The following CHST15 variants were observed in gnomAD, a reference collection of about 807,000 sequenced individuals.
CHST15 encodes B cell RAG associated protein (GALNAC4S-6ST).
A neutral mutation model predicts 53.6 loss-of-function variants in CHST15; 30 were observed. The observed-to-expected ratio is 0.56, with a 90% CI of 0.42 to 0.76. The LOEUF (loss-of-function observed/expected upper bound fraction) is 0.76. Ranked by LOEUF, CHST15 falls within the 30% of genes least tolerant of loss-of-function variation. The pLI is 0.00. For synonymous variants in CHST15, 296 were observed against 289.8 expected, an observed-to-expected ratio of 1.02 and a Z score of -0.22; for missense variants, 627 against 740.5, an observed-to-expected ratio of 0.85 and a Z score of 1.78.
At position 124,074,418 on chromosome 10, in the gene CHST15, G is replaced by A. The variant is rs145187077; in HGVS notation, c.-513+19051C>T. 3.3e-5 allele frequency among the ~76,000 whole-genome samples: 5 copies of A among 152,132 alleles called. No homozygotes were observed. Among genetic ancestry groups the A allele is most frequent in the Admixed American group, 6.5e-5 (1 of 15,296 alleles). On this transcript the variant is annotated intron_variant, in intron 1 of 7. Transcript: ENST00000435907. The surrounding 1 kb of genome is among the most constrained non-coding windows in gnomAD (Gnocchi z 4.4). ...CACAATTCAGGTGGCAGGTAGGGGC[G>A]GGGGCCTAGTTGGGAGCATCGCCCA... is the stretch of plus-strand genomic sequence containing the variant.
At chr10:124,062,476 C>A (rs983450905) in intron 1 of CHST15, among the ~76,000 whole-genome samples, 1 of 152,182 alleles carries the variant, frequency 6.6e-6, no homozygotes, top group African/African-American at 2.4e-5. Flanking sequence ...ACTTCGGTGC[C>A]TCCCTTCGCT....
chr10:124,038,489 A>T (rs770308151), intron 5 of CHST15, 26 bp downstream of exon 5: 1 of 1,609,272 alleles, frequency 6.2e-7, no homozygotes. Context: ...TTCTCACCCC[A>T]AATACAACAC....
chr10:124,073,222 G>A (rs1480521836), intron 1 of CHST15, among the ~76,000 whole-genome samples: 2 of 152,234 alleles, frequency 1.3e-5, no homozygotes, highest in Non-Finnish European at 2.9e-5. Flanking sequence ...ACCCACAGTA[G>A]AACGGACAAA....
rs751285107 is a variant in CHST15 at position 124,038,667 on chromosome 10, C to T, written c.1038G>A (p.Glu346=). ...TATCCCACATCGTGGAGGCACTGGCCTCCCCTGGAAACAGAAAACACTCCA... is the reference window on the plus strand; with the variant it reads ...TATCCCACATCGTGGAGGCACTGGCTTCCCCTGGAAACAGAAAACACTCCA... ...QSKMNTIIIG[E]ASASTMWDNN... The change falls in exon 5 of 8, where the codon GAG becomes GAA. Residue 346 remains glutamate (E), a synonymous_variant. Coordinates refer to ENST00000435907, the MANE Select transcript of CHST15 (RefSeq NM_001270764.2). 4.3e-6 allele frequency: 7 copies of T among 1,614,004 alleles called. No individual in the cohort carries two copies. In the South Asian group the frequency reaches 7.7e-5, roughly 18 times the overall value.
chr10:124,064,139 C>CT (rs773131858), intron 1 of CHST15, among the ~76,000 whole-genome samples: 12 of 152,206 alleles, frequency 7.9e-5, no homozygotes, highest in Middle Eastern at 3.4e-3. Context: ...AAGGCCAGGA[C>CT]TTTCTTGCAG....
At chr10:124,028,167 G>A (rs1008319671) in intron 5 of CHST15, among the ~76,000 whole-genome samples, 1 of 152,140 alleles carries the variant, frequency 6.6e-6, no homozygotes, top group Non-Finnish European at 1.5e-5. Flanking sequence ...CATCACATCC[G>A]GCATCTAGAA....
Position 124,046,259 on chromosome 10 carries a change from G to A in CHST15, c.-47C>T, listed in dbSNP as rs1320465407. 1.3e-6 allele frequency: 2 copies of A among 1,526,360 alleles called. No individual in the cohort carries two copies. The highest frequency in any genetic ancestry group is 2.4e-4 in the Middle Eastern group (1 of 4,196). The allele number at this position is 1,526,360 out of a possible 1,614,324, so 94.6% of individuals were successfully genotyped here. The stretch of plus-strand genomic sequence containing the variant: ...TGCTGGCTTACCGAGCCATGGGTGG[G>A]CCCCCCACGAGTCTGGATGTCCGCA... On this transcript the variant is annotated 5_prime_UTR_variant, in exon 2 of 8. Coordinates refer to ENST00000435907, the MANE Select transcript of CHST15 (RefSeq NM_001270764.2).
At chr10:124,020,422 G>A (rs990760786) in intron 6 of CHST15, 4 of 985,518 alleles carry the variant, frequency 4.1e-6, no homozygotes, top group Admixed American at 6.1e-5. Flanking sequence ...AAGTCCAACA[G>A]GGCAGCCTGG....
rs1590165725 is a variant in CHST15, at chr10:124,009,079, C to T, written c.*1070G>A. 1 of 1,276,750 alleles carries T rather than the reference C, an allele frequency of 7.8e-7. No individual in the cohort carries two copies. Among genetic ancestry groups the T allele is most frequent in the East Asian group, 5.6e-5 (1 of 17,748 alleles). The allele number at this position is 1,276,750 out of a possible 1,614,324, so 79.1% of individuals were successfully genotyped here. Reference sequence around the variant, plus strand: ...CTGGGTGAGGAACTTTGACCACACGCAGTGGAGAATGTGGAAATAAACTAT... The same window carrying T: ...CTGGGTGAGGAACTTTGACCACACGTAGTGGAGAATGTGGAAATAAACTAT... On this transcript the variant is annotated 3_prime_UTR_variant, in exon 8 of 8. Transcript: ENST00000435907.
At chr10:124,075,579 G>C (rs547309344) in intron 1 of CHST15, among the ~76,000 whole-genome samples, 1 of 152,160 alleles carries the variant, frequency 6.6e-6, no homozygotes, top group East Asian at 1.9e-4. Context: ...TCTGACTTGG[G>C]CAGCTCTCTC....
intron 5 of CHST15, among the ~76,000 whole-genome samples, chr10:124,027,568 T>C (rs950429186): frequency 5.3e-5 from 8 of 152,228 alleles, no homozygotes; most frequent in Admixed American, 4.6e-4. Flanking sequence ...CAGGGCTCTG[T>C]GTGATTGCTT....
intron 7 of CHST15, chr10:124,010,923 G>A: frequency 1.0e-6 from 1 of 985,460 alleles, no homozygotes; most frequent in South Asian, 4.7e-5. Flanking sequence ...AGGAGATCAG[G>A]GAGAAGAGGC....
rs1293779094 is a variant in CHST15, at chr10:124,046,003, C to T, written c.210G>A (p.Gly70=). 2 of 1,614,132 alleles carry T rather than the reference C, an allele frequency of 1.2e-6. No individual in the cohort carries two copies. Among genetic ancestry groups the T allele is most frequent in the East Asian group, 2.2e-5 (1 of 44,874 alleles). The change falls in exon 2 of 8, where the codon GGG becomes GGA. Residue 70 remains glycine (G), a synonymous_variant. Transcript: ENST00000435907. The part of the protein sequence containing the change: ...VRTEGNENWG[G]FLRFKKGKRC... ...GCTTCCCCTTTTTGAAGCGCAAAAA[C>T]CCACCCCAGTTTTCGTTCCCTTCAG...
chr10:124,011,608 C>T (rs977694139), intron 7 of CHST15: 7 of 985,310 alleles, frequency 7.1e-6, no homozygotes, highest in African/African-American at 7.0e-5. Context: ...CTCGGTGCCC[C>T]GTCCACATGG....
At chr10:124,073,061 T>C (rs1345633276) in intron 1 of CHST15, among the ~76,000 whole-genome samples, 1 of 152,186 alleles carries the variant, frequency 6.6e-6, no homozygotes, top group East Asian at 1.9e-4. Context: ...CATTATCTAC[T>C]GAAGCTTGGG....
At chr10:124,067,611 G>A (rs1948786402) in intron 1 of CHST15, among the ~76,000 whole-genome samples, 1 of 152,138 alleles carries the variant, frequency 6.6e-6, no homozygotes, top group South Asian at 2.1e-4. Flanking sequence ...AGAAACAGAT[G>A]GTTTTTGTGT....
At chr10:124,081,788 A>T (rs1949250398) in intron 1 of CHST15, among the ~76,000 whole-genome samples, 1 of 151,964 alleles carries the variant, frequency 6.6e-6, no homozygotes, top group South Asian at 2.1e-4. Context: ...GCCCAGGGAG[A>T]TCTCCCGGCC....
chr10:124,080,787 G>A (rs1949208731), intron 1 of CHST15, among the ~76,000 whole-genome samples: 1 of 152,200 alleles, frequency 6.6e-6, no homozygotes, highest in South Asian at 2.1e-4. Context: ...CACCATCCCT[G>A]CACTATGGGT....
chr10:124,079,259 G>A (rs1435269283), intron 1 of CHST15, among the ~76,000 whole-genome samples: 1 of 152,192 alleles, frequency 6.6e-6, no homozygotes, highest in Non-Finnish European at 1.5e-5. Context: ...ATATTTATTG[G>A]GAAAACTTTG....
Sources: allele counts gnomAD v4.1 joint callset (sites outside exome capture counted in the v4.1 genomes callset), GRCh38; gene constraint gnomAD v4.1.1; non-coding constraint Gnocchi (gnomAD v3.1); transcripts MANE v1.5; gene names NCBI Gene and HGNC (gene_info 2026-07-23, HGNC 2026-07-21).